The following GRID2 variants were observed in gnomAD, a reference collection of about 807,000 sequenced individuals.
GRID2 encodes glutamate receptor ionotropic, delta-2.
A neutral mutation model predicts 114.8 loss-of-function variants in GRID2; 33 were observed. That is an observed-to-expected ratio of 0.29 (90% CI 0.22 to 0.38). The LOEUF (loss-of-function observed/expected upper bound fraction) is 0.38, where lower values mean the gene tolerates loss of function less well. Among genes scored for constraint, GRID2 ranks in the 10% least tolerant of loss-of-function variants. GRID2 has a pLI of 1.00. For synonymous variants in GRID2, 505 were observed against 449.9 expected (o/e 1.12, Z -1.55); for missense variants, 1,184 against 1,257.7 (o/e 0.94, Z 0.89).
intron 2 of GRID2, among the ~76,000 whole-genome samples, chr4:93,054,187 G>T (rs1726996996): frequency 6.6e-6 from 1 of 151,728 alleles, no homozygotes; most frequent in African/African-American, 2.4e-5. Context: ...AATGCTAAAT[G>T]AAACAAACAA....
chr4:92,443,318 T>A (rs926113251), intron 1 of GRID2, among the ~76,000 whole-genome samples: 1 of 152,112 alleles, frequency 6.6e-6, no homozygotes, highest in Non-Finnish European at 1.5e-5. Context: ...TGGGGTCAAG[T>A]GGCATTGCAG....
At chr4:93,668,027 G>T (rs555744836) in intron 14 of GRID2, among the ~76,000 whole-genome samples, 1 of 152,064 alleles carries the variant, frequency 6.6e-6, no homozygotes, top group African/African-American at 2.4e-5. Context: ...AACTTTGAGT[G>T]ATTAAAAGAC....
intron 12 of GRID2, among the ~76,000 whole-genome samples, chr4:93,511,779 C>CT (rs1157223214): frequency 0.01 from 1,385 of 137,444 alleles, 13 homozygotes; most frequent in African/African-American, 0.028. Context: ...ATTCCTTCTT[C>CT]TTTTTTTTTT....
chr4:92,741,637 C>G (rs188343283), intron 2 of GRID2, among the ~76,000 whole-genome samples: 157 of 152,246 alleles, frequency 1.0e-3, no homozygotes, highest in Admixed American at 2.9e-3. Flanking sequence ...TGTCTGCAAG[C>G]CTTTGCTCAG....
chr4:92,854,274 A>G (rs1041403961), intron 2 of GRID2, among the ~76,000 whole-genome samples: 4 of 152,046 alleles, frequency 2.6e-5, no homozygotes, highest in Non-Finnish European at 5.9e-5. Flanking sequence ...CATGCTGAAC[A>G]AGACATTTAA....
intron 14 of GRID2, among the ~76,000 whole-genome samples, chr4:93,717,602 C>T (rs574925552): frequency 1.3e-5 from 2 of 152,110 alleles, no homozygotes; most frequent in East Asian, 1.9e-4. Flanking sequence ...CAGATGTTTT[C>T]TTTTTTGTGT....
intron 10 of GRID2, among the ~76,000 whole-genome samples, chr4:93,448,791 CT>C (rs1490720427): frequency 0.014 from 64 of 4,692 alleles, 1 homozygote; most frequent in African/African-American, 0.052. Flanking sequence ...TGGCCCTCCC[CT>C]TCCCTTCCCT....
At chr4:93,686,310 G>A (rs180783239) in intron 14 of GRID2, among the ~76,000 whole-genome samples, 5 of 151,930 alleles carry the variant, frequency 3.3e-5, no homozygotes, top group South Asian at 4.1e-4. Flanking sequence ...TATCTCATAC[G>A]TATCTCCTTC....
At chr4:92,427,401 T>G (rs886731337) in intron 1 of GRID2, among the ~76,000 whole-genome samples, 15 of 152,302 alleles carry the variant, frequency 9.8e-5, no homozygotes, top group African/African-American at 3.6e-4. Flanking sequence ...AAACATAGGT[T>G]TGTTGAGTTA....
chr4:93,235,976 TA>T (rs1188924721), intron 7 of GRID2, among the ~76,000 whole-genome samples: 1 of 152,072 alleles, frequency 6.6e-6, no homozygotes, highest in African/African-American at 2.4e-5. Flanking sequence ...CTTTTTCGTA[TA>T]AATAAGCTAC....
intron 2 of GRID2, among the ~76,000 whole-genome samples, chr4:92,813,015 A>C (rs1034524437): frequency 1.3e-5 from 2 of 152,090 alleles, no homozygotes; most frequent in African/African-American, 4.8e-5. Context: ...AATAATGTGC[A>C]CTTTTACTTG....
In GRID2 at chr4:92,304,402, A is replaced by C; in HGVS notation, c.-255A>C. The C allele has an allele frequency of 1.8e-6, 1 of 556,200 alleles. No homozygotes were observed. The highest frequency in any genetic ancestry group is 2.1e-5 in the South Asian group (1 of 47,854). 34.5% of individuals were successfully genotyped at this position (556,200 alleles called of 1,614,324 possible). A position where few individuals can be genotyped will look rare whatever the true frequency, so the allele number is the denominator to read the frequency against. Reference sequence around the variant, plus strand: ...ATATATTTTTCAAAAGCCAAACTGCAAACAACTCTGGCGATGCCAAAATTC... The same window carrying C: ...ATATATTTTTCAAAAGCCAAACTGCCAACAACTCTGGCGATGCCAAAATTC... On this transcript the variant is annotated 5_prime_UTR_variant, in exon 1 of 16. Coordinates refer to ENST00000282020, the MANE Select transcript of GRID2 (RefSeq NM_001510.4).
intron 2 of GRID2, among the ~76,000 whole-genome samples, chr4:93,053,967 A>G (rs897880411): frequency 6.6e-6 from 1 of 151,916 alleles, no homozygotes; most frequent in South Asian, 2.1e-4. Flanking sequence ...ATAACTCTTC[A>G]CTGCCAGATA....
At chr4:93,765,634 G>A in intron 14 of GRID2, among the ~76,000 whole-genome samples, 1 of 137,726 alleles carries the variant, frequency 7.3e-6, no homozygotes. Context: ...ATATATATAT[G>A]AGGCATATAT....
chr4:92,956,787 T>C (rs981967596), intron 2 of GRID2, among the ~76,000 whole-genome samples: 4 of 152,170 alleles, frequency 2.6e-5, no homozygotes, highest in African/African-American at 9.6e-5. Flanking sequence ...GAATGAAAGT[T>C]CTTGTTGGTT....
At chr4:93,311,124 G>A (rs1383808997) in intron 8 of GRID2, among the ~76,000 whole-genome samples, 1 of 152,154 alleles carries the variant, frequency 6.6e-6, no homozygotes, top group Non-Finnish European at 1.5e-5. Context: ...CTGTACGGCT[G>A]CTCCCCACTT....
chr4:92,677,877 G>T (rs895235411), intron 2 of GRID2, among the ~76,000 whole-genome samples: 1 of 151,938 alleles, frequency 6.6e-6, no homozygotes, highest in Non-Finnish European at 1.5e-5. Context: ...ATCATCCAGG[G>T]AAGTTATGTT....
chr4:92,763,776 AAG>A (rs1738134372), intron 2 of GRID2, among the ~76,000 whole-genome samples: 1 of 152,164 alleles, frequency 6.6e-6, no homozygotes. Context: ...AACACAGTGA[AAG>A]AGGGAGAGAG....
intron 4 of GRID2, among the ~76,000 whole-genome samples, chr4:93,189,621 A>G (rs892681672): frequency 2.6e-5 from 4 of 152,064 alleles, no homozygotes; most frequent in African/African-American, 9.7e-5. Context: ...TCATTCAATC[A>G]TATTAATTTT....
Sources: gnomAD v4.1 joint callset for allele counts (sites outside exome capture counted in the v4.1 genomes callset) on GRCh38, gnomAD v4.1.1 for gene constraint, MANE v1.5 for transcripts, NCBI Gene and HGNC (gene_info 2026-07-23, HGNC 2026-07-21) for gene names.